The following ADGRL2 variants were observed in gnomAD, a reference collection of about 807,000 sequenced individuals.
ADGRL2 encodes calcium-independent alpha-latrotoxin receptor 2.
In ADGRL2, 44 loss-of-function variants were observed where a neutral mutation model predicts 157.4. The observed-to-expected ratio is 0.28, with a 90% confidence interval of 0.22 to 0.36. ADGRL2 has a LOEUF of 0.36. Among genes scored for constraint, ADGRL2 ranks in the 10% least tolerant of loss-of-function variants. The probability of loss-of-function intolerance (pLI) is 1.00; values close to 1 mark genes in which losing one functional copy is unlikely to be tolerated. For missense variants in ADGRL2, 1,510 were observed against 1,768.9 expected, an observed-to-expected ratio of 0.85 and a Z score of 2.63; for synonymous variants, 585 against 624.7, an observed-to-expected ratio of 0.94 and a Z score of 0.95.
intron 2 of ADGRL2, among the ~76,000 whole-genome samples, chr1:81,903,459 C>G (rs1364394131): frequency 5.9e-5 from 9 of 151,838 alleles, no homozygotes; most frequent in Admixed American, 5.9e-4. Context: ...AGTCTAAGCT[C>G]CCTGCATGGG....
At chr1:81,618,115 G>A (rs548156407) in intron 3 of ADGRL2, among the ~76,000 whole-genome samples, 55 of 151,804 alleles carry the variant, frequency 3.6e-4, no homozygotes, top group Non-Finnish European at 6.5e-4. Flanking sequence ...TTGCAGCCTC[G>A]GGAAGCCAGG....
intron 1 of ADGRL2, among the ~76,000 whole-genome samples, chr1:81,709,796 C>T (rs1358268487): frequency 6.6e-6 from 1 of 151,992 alleles, no homozygotes. Context: ...AAAAAATGGT[C>T]AACCAAGCTT....
chr1:81,564,823 C>T (rs924652575), intron 2 of ADGRL2, among the ~76,000 whole-genome samples: 2 of 152,084 alleles, frequency 1.3e-5, no homozygotes, highest in African/African-American at 2.4e-5. Context: ...GGACTATGTT[C>T]AGTTGACTCT....
chr1:81,323,164 C>T (rs1005274645), intron 1 of ADGRL2, among the ~76,000 whole-genome samples: 1 of 151,926 alleles, frequency 6.6e-6, no homozygotes, highest in Non-Finnish European at 1.5e-5. Flanking sequence ...GGCCTATAAA[C>T]ATATATTAAT....
rs79755160 is a variant in ADGRL2 at position 81,779,272 on chromosome 1, C to T, written c.-101+17420C>T. Among the ~76,000 whole-genome samples, 145 of 152,118 alleles carry T rather than the reference C, an allele frequency of 9.5e-4. 1 individual carries two copies. The highest frequency in any genetic ancestry group is 3.3e-3 in the African/African-American group (138 of 41,510). On this transcript the variant is annotated intron_variant, in intron 2 of 20. Transcript: ENST00000359929. ...GGAAGAATGAAATGTCTAAGGGGTT[C>T]GAGAAGTCTGAGAGAACTCTTAGAA...
intron 1 of ADGRL2, among the ~76,000 whole-genome samples, chr1:81,822,527 T>G (rs1008588807): frequency 6.6e-5 from 10 of 152,002 alleles, no homozygotes. Context: ...TTTTACTTCT[T>G]TTTAATATGA....
intron 2 of ADGRL2, among the ~76,000 whole-genome samples, chr1:81,509,937 C>T (rs1031397536): frequency 6.6e-5 from 10 of 152,074 alleles, no homozygotes; most frequent in African/African-American, 1.2e-4. Context: ...TCCAGGGTGA[C>T]GGACGAAGGA....
intron 3 of ADGRL2, among the ~76,000 whole-genome samples, chr1:81,663,701 C>G (rs2082702389): frequency 6.6e-6 from 1 of 152,108 alleles, no homozygotes; most frequent in South Asian, 2.1e-4. Flanking sequence ...CAGGTGGTGA[C>G]CATTGTGGCC....
intron 2 of ADGRL2, among the ~76,000 whole-genome samples, chr1:81,471,435 T>C (rs1034560193): frequency 6.6e-6 from 1 of 152,196 alleles, no homozygotes; most frequent in Non-Finnish European, 1.5e-5. Context: ...TCAGCCTCTG[T>C]AGCCACTAGA....
intron 3 of ADGRL2, among the ~76,000 whole-genome samples, chr1:81,582,916 C>G (rs1301449663): frequency 1.3e-5 from 2 of 151,966 alleles, no homozygotes; most frequent in Non-Finnish European, 2.9e-5. Flanking sequence ...ACACAGCCAC[C>G]CCCAACACAC....
intron 2 of ADGRL2, among the ~76,000 whole-genome samples, chr1:81,580,069 A>T (rs543921546): frequency 6.6e-6 from 1 of 152,308 alleles, no homozygotes; most frequent in East Asian, 1.9e-4. Context: ...TCAATTCTAC[A>T]TAGTGAATGC....
chr1:81,333,437 A>T (rs1661413670), intron 1 of ADGRL2, among the ~76,000 whole-genome samples: 1 of 151,298 alleles, frequency 6.6e-6, no homozygotes. Flanking sequence ...ATTTTTTGAG[A>T]CGGAGTCTCA....
intron 2 of ADGRL2, among the ~76,000 whole-genome samples, chr1:81,884,573 A>G (rs149664669): frequency 6.6e-6 from 1 of 152,332 alleles, no homozygotes; most frequent in African/African-American, 2.4e-5. Context: ...TGAACAAAGC[A>G]AAACACTATG....
intron 19 of ADGRL2, 191 bp from the exon 20 acceptor site, chr1:81,984,392 A>G (rs1226737834): frequency 2.0e-6 from 1 of 500,878 alleles, no homozygotes; most frequent in Non-Finnish European, 3.5e-6. Flanking sequence ...TCTAGTGGAC[A>G]GAGATACTTT....
rs545651598 is a variant in ADGRL2, at chr1:81,889,147, G to A, written c.74-17870G>A. 3.0e-4 allele frequency among the ~76,000 whole-genome samples: 46 copies of A among 152,282 alleles called. No homozygotes were observed. The South Asian group carries it at 4.8e-3, about 16-fold the overall frequency. On this transcript the variant is annotated intron_variant, in intron 2 of 23. Coordinates refer to ENST00000686636, the MANE Select transcript of ADGRL2 (RefSeq NM_001366006.2). Reference sequence around the variant, plus strand: ...CCTACAACGGCCTATATATGTTCAAGTGAAATGAAAAGTTGCACATTTCTT... The same window carrying A: ...CCTACAACGGCCTATATATGTTCAAATGAAATGAAAAGTTGCACATTTCTT...
intron 2 of ADGRL2, among the ~76,000 whole-genome samples, chr1:81,508,963 A>T (rs1274321195): frequency 2.6e-5 from 4 of 152,180 alleles, no homozygotes; most frequent in Admixed American, 6.5e-5. Context: ...AGAACTGTTG[A>T]TCTACTAATG....
At chr1:81,669,993 C>G (rs1387781756) in intron 3 of ADGRL2, among the ~76,000 whole-genome samples, 6 of 150,980 alleles carry the variant, frequency 4.0e-5, no homozygotes, top group Non-Finnish European at 7.4e-5. Flanking sequence ...GGAAGGCTTC[C>G]CATTTAAACT....
Position 81,722,703 on chromosome 1 carries a change from G to A in ADGRL2, c.-143+22895G>A. 3 of 1,036,848 alleles carry A rather than the reference G, an allele frequency of 2.9e-6. No individual in the cohort carries two copies. The South Asian group carries it at 3.8e-5, about 13-fold the overall frequency. 64.2% of individuals were successfully genotyped at this position (1,036,848 alleles called of 1,614,324 possible). The stretch of plus-strand genomic sequence containing the variant: ...CACAGGAAATTGCAGAAGAAAGTAT[G>A]AGCGAAACGTGAAGAGCGAGAGATC... On this transcript the variant is annotated intron_variant, in intron 1 of 20. Coordinates refer to the ADGRL2 transcript ENST00000359929.
chr1:81,526,942 C>T (rs1161896789), intron 2 of ADGRL2, among the ~76,000 whole-genome samples: 2 of 152,184 alleles, frequency 1.3e-5, no homozygotes, highest in African/African-American at 2.4e-5. Context: ...TAGTATTGAC[C>T]GTTTGGAGCC....
Sources: allele counts gnomAD v4.1 joint callset (sites outside exome capture counted in the v4.1 genomes callset), GRCh38; gene constraint gnomAD v4.1.1; transcripts MANE v1.5; gene names NCBI Gene and HGNC (gene_info 2026-07-23, HGNC 2026-07-21).